The following EPB41L4A variants were observed in gnomAD, a reference collection of about 807,000 sequenced individuals.
EPB41L4A encodes the protein erythrocyte membrane protein band 4.1 like 4A, also known as band 4.1-like protein 4A.
EPB41L4A carries 100 observed loss-of-function variants against 108.6 expected under a neutral mutation model. That is an observed-to-expected ratio of 0.92 (90% CI 0.78 to 1.09). The LOEUF (loss-of-function observed/expected upper bound fraction) is 1.09. Ranked by LOEUF, EPB41L4A falls within the 50% of genes least tolerant of loss-of-function variation. The pLI, the probability that EPB41L4A is intolerant of heterozygous loss-of-function variation, is 0.00. For missense variants in EPB41L4A, 1,030 were observed against 842.7 expected, an observed-to-expected ratio of 1.22 and a Z score of -2.75; for synonymous variants, 319 against 289.0, an observed-to-expected ratio of 1.10 and a Z score of -1.05.
chr5:112,176,345 T>C (rs1007222951), intron 18 of EPB41L4A, among the ~76,000 whole-genome samples: 1 of 152,216 alleles, frequency 6.6e-6, no homozygotes, highest in East Asian at 1.9e-4. Context: ...TTGTGCTATA[T>C]GAAGTAATCC....
chr5:112,256,933 T>C (rs1751140449), intron 9 of EPB41L4A: 1 of 152,196 alleles, frequency 6.6e-6, no homozygotes, highest in Admixed American at 6.5e-5. Context: ...TTGTAAAAAA[T>C]TATGTAAACA....
chr5:112,314,009 G>T (rs965363176), intron 1 of EPB41L4A, among the ~76,000 whole-genome samples: 1 of 151,686 alleles, frequency 6.6e-6, no homozygotes, highest in Non-Finnish European at 1.5e-5. Context: ...GACTACAGGT[G>T]CCCACCACCA....
intron 20 of EPB41L4A, among the ~76,000 whole-genome samples, chr5:112,169,642 TAC>T (rs1279374714): frequency 2.2e-4 from 33 of 152,206 alleles, no homozygotes; most frequent in Non-Finnish European, 4.1e-4. Context: ...TGTATAAACA[TAC>T]ACAATTTTTA....
intron 1 of EPB41L4A, among the ~76,000 whole-genome samples, chr5:112,362,205 G>T (rs2112486025): frequency 6.6e-6 from 1 of 151,694 alleles, no homozygotes; most frequent in African/African-American, 2.4e-5. Flanking sequence ...CTGGCCTCAA[G>T]CAATCCTTCC....
chr5:112,284,668 T>C (rs151166834), intron 2 of EPB41L4A, among the ~76,000 whole-genome samples: 179 of 152,316 alleles, frequency 1.2e-3, no homozygotes, highest in African/African-American at 4.1e-3. Flanking sequence ...AGTCCACTCC[T>C]AACATACTGT....
chr5:112,212,305 T>TTTTC (rs1561480006), intron 12 of EPB41L4A, among the ~76,000 whole-genome samples: 1 of 149,234 alleles, frequency 6.7e-6, no homozygotes, highest in Non-Finnish European at 1.5e-5. Context: ...TTTTTTTTTT[T>TTTTC]CTCCTGAGAC....
At chr5:112,194,730 G>T in intron 16 of EPB41L4A, 85 bp from the exon 17 acceptor site, 2 of 774,990 alleles carry the variant, frequency 2.6e-6, no homozygotes, top group Non-Finnish European at 4.1e-6. Flanking sequence ...TGGGTCCTCT[G>T]GAATTCATTT....
chr5:112,165,245 C>G, intron 22 of EPB41L4A, 127 bp from the exon 23 acceptor site: 1 of 692,250 alleles, frequency 1.4e-6, no homozygotes, highest in Non-Finnish European at 2.4e-6. Flanking sequence ...TTTCATAATA[C>G]CAAAAGCTAT....
chr5:112,239,841 T>C, intron 10 of EPB41L4A, 104 bp from the exon 11 acceptor site: 1 of 579,336 alleles, frequency 1.7e-6, no homozygotes. Context: ...CCAGCCACTT[T>C]ATAAGAATAC....
intron 7 of EPB41L4A, 66 bp from the exon 8 acceptor site, chr5:112,260,045 G>T: frequency 8.6e-7 from 1 of 1,168,204 alleles, no homozygotes; most frequent in Non-Finnish European, 1.3e-6. Flanking sequence ...AACTATAATT[G>T]ACCATACAAA....
At chr5:112,144,459 G>A (rs913283240) in intron 13 of EPB41L4A, among the ~76,000 whole-genome samples, 8 of 152,008 alleles carry the variant, frequency 5.3e-5, no homozygotes, top group African/African-American at 1.4e-4. Context: ...CTAATTTTTT[G>A]TAGAGATGAG....
At chr5:112,394,110 A>G (rs1210258949) in intron 1 of EPB41L4A, among the ~76,000 whole-genome samples, 2 of 152,222 alleles carry the variant, frequency 1.3e-5, no homozygotes, top group African/African-American at 4.8e-5. Flanking sequence ...AGAGCTATTT[A>G]TGACAAACCC....
intron 15 of EPB41L4A, among the ~76,000 whole-genome samples, chr5:112,204,168 T>A (rs1032512939): frequency 2.0e-5 from 3 of 151,970 alleles, no homozygotes; most frequent in African/African-American, 7.2e-5. Flanking sequence ...TTCCTGCCAA[T>A]ATTTTATGAA....
chr5:112,296,602 T>A (rs112799091), intron 2 of EPB41L4A, among the ~76,000 whole-genome samples: 1 of 152,178 alleles, frequency 6.6e-6, no homozygotes, highest in Non-Finnish European at 1.5e-5. Flanking sequence ...TTATATTTTA[T>A]GTTTAATAAT....
chr5:112,413,227 A>C (rs936320263), intron 1 of EPB41L4A, among the ~76,000 whole-genome samples: 2 of 152,204 alleles, frequency 1.3e-5, no homozygotes, highest in Non-Finnish European at 2.9e-5. Flanking sequence ...AAACGGTGTG[A>C]TTCATGTTTT....
chr5:112,380,687 T>C lies in EPB41L4A; in HGVS notation c.99+38254A>G, dbSNP rs1240520297. 2.6e-5 allele frequency among the ~76,000 whole-genome samples: 4 copies of C among 152,136 alleles called. No individual in the cohort carries two copies. In the South Asian group the frequency reaches 8.3e-4, roughly 32 times the overall value. ...TCAAGAACAGTTAAGTCTCTGATTA[T>C]ATATTACAAAGCACAGGGGAAAAAA... is the stretch of plus-strand genomic sequence containing the variant. On this transcript the variant is annotated intron_variant, in intron 1 of 22. Transcript: ENST00000261486.
At chr5:112,398,826 G>A (rs541790748) in intron 1 of EPB41L4A, among the ~76,000 whole-genome samples, 2 of 151,834 alleles carry the variant, frequency 1.3e-5, no homozygotes, top group African/African-American at 4.8e-5. Flanking sequence ...CATAGGCTCT[G>A]AGTGAAATGT....
At chr5:112,239,798 C>A in intron 10 of EPB41L4A, 61 bp from the exon 11 acceptor site, 1 of 1,112,526 alleles carries the variant, frequency 9.0e-7, no homozygotes, top group Non-Finnish European at 1.3e-6. Context: ...TCTGGGCCAC[C>A]CCCTTCTCCT....
chr5:112,391,498 T>C (rs969000949), intron 1 of EPB41L4A, among the ~76,000 whole-genome samples: 8 of 152,030 alleles, frequency 5.3e-5, no homozygotes, highest in Admixed American at 4.6e-4. Flanking sequence ...AAGATCAAAT[T>C]AATGAAATGA....
Sources: gnomAD v4.1 joint callset for allele counts (sites outside exome capture counted in the v4.1 genomes callset) on GRCh38, gnomAD v4.1.1 for gene constraint, MANE v1.5 for transcripts, NCBI Gene and HGNC (gene_info 2026-07-23, HGNC 2026-07-21) for gene names.